Variants in SLC1A2 observed in about 807,000 individuals in gnomAD.
SLC1A2 encodes the protein excitatory amino acid transporter 2.
A neutral mutation model predicts 48.8 loss-of-function variants in SLC1A2; 15 were observed. That is an observed-to-expected ratio of 0.31 (90% confidence interval 0.21 to 0.47). SLC1A2 has a LOEUF of 0.47. Among genes scored for constraint, SLC1A2 ranks in the 20% least tolerant of loss-of-function variants. The pLI, the probability that SLC1A2 is intolerant of heterozygous loss-of-function variation, is 0.99. For synonymous variants in SLC1A2, 279 were observed against 272.6 expected (o/e 1.02, Z -0.23); for missense variants, 502 against 730.5 (o/e 0.69, Z 3.61).
intron 1 of SLC1A2, among the ~76,000 whole-genome samples, chr11:35,391,775 G>A (rs779929959): frequency 4.6e-5 from 7 of 152,102 alleles, no homozygotes; most frequent in South Asian, 4.1e-4. Context: ...TTAAGTCTCC[G>A]CTCTCTTCAG....
At chr11:35,337,916 A>G (rs149627730) in intron 1 of SLC1A2, among the ~76,000 whole-genome samples, 93 of 152,320 alleles carry the variant, frequency 6.1e-4, no homozygotes, top group African/African-American at 1.4e-3. Context: ...TCTAATTAGT[A>G]TTATAATTAC....
At position 35,286,712 on chromosome 11, in the gene SLC1A2, G is replaced by A. The variant is rs768574070; in HGVS notation, c.1286+45C>T. 9 of 1,453,310 alleles carry A rather than the reference G, an allele frequency of 6.2e-6. No homozygotes were observed. The East Asian group carries it at 1.9e-4, about 30-fold the overall frequency. 90.0% of individuals were successfully genotyped at this position (1,453,310 alleles called of 1,614,324 possible). On this transcript the variant is annotated intron_variant, in intron 8 of 10. Coordinates refer to ENST00000278379, the MANE Select transcript of SLC1A2 (RefSeq NM_004171.4). The stretch of plus-strand genomic sequence containing the variant: ...TGTCACATGGAGTTAGTGTGGAGGG[G>A]AAACAGGGTAGAGGTTGTTTTGTGT...
intron 5 of SLC1A2, among the ~76,000 whole-genome samples, chr11:35,303,248 C>G (rs559385192): frequency 6.6e-6 from 1 of 152,192 alleles, no homozygotes; most frequent in African/African-American, 2.4e-5. Context: ...ACACCAAGCA[C>G]ATATCAACCC....
upstream of SLC1A2, chr11:35,420,030 CT>C (rs1199811336): frequency 1.4e-4 from 58 of 418,504 alleles, no homozygotes; most frequent in African/African-American, 1.2e-3. Context: ...GCTGCGCTCC[CT>C]CCCCCGCCGA....
chr11:35,281,116 AC>A, intron 8 of SLC1A2, 115 bp from the exon 9 acceptor site: 1 of 1,365,682 alleles, frequency 7.3e-7, no homozygotes, highest in Non-Finnish European at 9.6e-7. Flanking sequence ...CCCAACCCCC[AC>A]CCCATACTCT....
At chr11:35,294,272 A>G (rs1354319399) in intron 6 of SLC1A2, among the ~76,000 whole-genome samples, 1 of 152,204 alleles carries the variant, frequency 6.6e-6, no homozygotes, top group Non-Finnish European at 1.5e-5. Context: ...TAACATTAGC[A>G]TAGCTGCTCT....
At chr11:35,293,150 G>A (rs7938263) in intron 6 of SLC1A2, among the ~76,000 whole-genome samples, 1,551 of 152,272 alleles carry the variant, frequency 0.01, 29 homozygotes, top group African/African-American at 0.035. Context: ...GGTGAGAGCT[G>A]CACACCCATT....
At chr11:35,382,978 C>A (rs1428888036) in intron 1 of SLC1A2, among the ~76,000 whole-genome samples, 1 of 152,096 alleles carries the variant, frequency 6.6e-6, no homozygotes, top group Non-Finnish European at 1.5e-5. Context: ...AAAGCCTACA[C>A]CATCTAAGAA....
chr11:35,284,851 C>T (rs907466840), intron 8 of SLC1A2, among the ~76,000 whole-genome samples: 3 of 152,136 alleles, frequency 2.0e-5, no homozygotes, highest in South Asian at 2.1e-4. Flanking sequence ...CTGGGTGGTC[C>T]CTGAGCTTGG....
intron 1 of SLC1A2, among the ~76,000 whole-genome samples, chr11:35,330,194 A>C (rs1298964160): frequency 6.6e-6 from 1 of 152,190 alleles, no homozygotes; most frequent in Non-Finnish European, 1.5e-5. Context: ...GTTTGTCACT[A>C]TCCTGGTTAA....
chr11:35,298,378 G>T (rs963774812), intron 6 of SLC1A2: 1 of 152,042 alleles, frequency 6.6e-6, no homozygotes, highest in African/African-American at 2.4e-5. Context: ...GTTACATTCT[G>T]CTATTATTAC....
chr11:35,317,347 G>A (rs763928343), intron 2 of SLC1A2, 30 bp downstream of exon 2: 67 of 1,604,492 alleles, frequency 4.2e-5, no homozygotes, highest in Admixed American at 1.5e-4. Context: ...GAGAAGAGGG[G>A]GCTGGGGGTG....
In SLC1A2 at chr11:35,260,273, A is replaced by G. The variant is rs1950373235; in HGVS notation, c.*621T>C. 1.3e-5 allele frequency: 2 copies of G among 152,422 alleles called. No homozygotes were observed. Among genetic ancestry groups the G allele is most frequent in the Non-Finnish European group, 2.9e-5 (2 of 68,182 alleles). 9.4% of individuals were successfully genotyped at this position (152,422 alleles called of 1,614,324 possible). A position where few individuals can be genotyped will look rare whatever the true frequency, so the allele number is the denominator to read the frequency against. On this transcript the variant is annotated 3_prime_UTR_variant, in exon 11 of 11. Coordinates refer to ENST00000278379, the MANE Select transcript of SLC1A2 (RefSeq NM_004171.4). ...CAGAGATGTAACAGGTTCTTTAATC[A>G]ACTGCCTTTAAGAGCATGGCTCCCT...
At chr11:35,323,194 G>A (rs189941245) in intron 1 of SLC1A2, 348 of 216,086 alleles carry the variant, frequency 1.6e-3, no homozygotes, top group Non-Finnish European at 2.3e-3. Context: ...GCTTCTTCCA[G>A]TCCATTCGAG....
At chr11:35,285,835 T>G (rs1850801719) in intron 8 of SLC1A2, 1 of 152,196 alleles carries the variant, frequency 6.6e-6, no homozygotes, top group African/African-American at 2.4e-5. Context: ...AGCCCCAAAT[T>G]ATGAATACCT....
intron 8 of SLC1A2, among the ~76,000 whole-genome samples, chr11:35,284,927 C>T (rs964706210): frequency 6.6e-6 from 1 of 152,170 alleles, no homozygotes; most frequent in Admixed American, 6.5e-5. Flanking sequence ...TAGGAGAGAT[C>T]TCCTAAAATG....
intron 10 of SLC1A2, among the ~76,000 whole-genome samples, chr11:35,262,411 G>T (rs893882448): frequency 3.3e-5 from 5 of 152,090 alleles, no homozygotes; most frequent in African/African-American, 1.2e-4. Context: ...TTCCTTTCTT[G>T]GCTGGGCTAA....
chr11:35,297,668 T>C (rs1011261239), intron 6 of SLC1A2: 6 of 152,204 alleles, frequency 3.9e-5, no homozygotes, highest in Admixed American at 3.3e-4. Flanking sequence ...TTTAAATAAC[T>C]ACCTAAGAAA....
At chr11:35,322,104 T>C (rs1470875894) in intron 1 of SLC1A2, among the ~76,000 whole-genome samples, 1 of 152,188 alleles carries the variant, frequency 6.6e-6, no homozygotes, top group African/African-American at 2.4e-5. Context: ...TTAAAAACTT[T>C]TAACAATGAG....
Sources: allele counts gnomAD v4.1 joint callset (sites outside exome capture counted in the v4.1 genomes callset), GRCh38; gene constraint gnomAD v4.1.1; transcripts MANE v1.5; gene names NCBI Gene and HGNC (gene_info 2026-07-23, HGNC 2026-07-21).